The following CD99L2 variants were observed in gnomAD, a reference collection of about 807,000 sequenced individuals.
The protein encoded by CD99L2 is CD99 molecule like 2, also known as CD99 antigen-like protein 2.
In CD99L2, 24 loss-of-function variants were observed where a neutral mutation model predicts 27.3. The ratio of observed to expected loss-of-function variants is 0.88; its 90% confidence interval spans 0.64 to 1.24. The LOEUF is 1.24. Among genes scored for constraint, CD99L2 ranks in the 50% most tolerant of loss-of-function variants. The pLI, the probability that CD99L2 is intolerant of heterozygous loss-of-function variation, is 0.00. For missense variants in CD99L2, 255 were observed against 221.6 expected (o/e 1.15, Z -0.96); for synonymous variants, 97 against 87.9 (o/e 1.10, Z -0.58).
At chrX:150,879,122 ATACAGG>A (rs1331988765) in intron 1 of CD99L2, among the ~76,000 whole-genome samples, 4 of 112,054 alleles carry the variant, frequency 3.6e-5, no homozygotes, top group Non-Finnish European at 5.6e-5. Flanking sequence ...AACCTAAAAA[ATACAGG>A]TACCCTGGTG....
At chrX:150,783,836 G>T (rs1557419489) in intron 7 of CD99L2, among the ~76,000 whole-genome samples, 1 of 111,746 alleles carries the variant, frequency 8.9e-6, no homozygotes, top group East Asian at 2.8e-4. Context: ...AGAAGCTCAG[G>T]TAGTGCTCCT....
intron 4 of CD99L2, among the ~76,000 whole-genome samples, chrX:150,796,102 C>T (rs1253160555): frequency 8.9e-6 from 1 of 112,310 alleles, no homozygotes; most frequent in African/African-American, 3.2e-5. Context: ...GAAGACTGTG[C>T]TGTAACTGTT....
intron 1 of CD99L2, among the ~76,000 whole-genome samples, chrX:150,856,956 T>C (rs929682485): frequency 1.7e-4 from 19 of 109,778 alleles, no homozygotes; most frequent in Non-Finnish European, 2.9e-4. Context: ...GAAGAATTCA[T>C]TGAAAGAATG....
rs113238762 is a variant in CD99L2 at position 150,802,240 on chromosome X, A to G, written c.278-6754T>C. On this transcript the variant is annotated intron_variant, in intron 4 of 10. Coordinates refer to ENST00000370377, the MANE Select transcript of CD99L2 (RefSeq NM_031462.4). ...CATATCATAGCAGTGAACATATCAA[A>G]CCCAAAATTAGCCATTCACAATTGC... 4.1e-3 allele frequency among the ~76,000 whole-genome samples: 454 copies of G among 111,620 alleles called. 3 individuals are homozygous for G. The highest frequency in any genetic ancestry group is 0.014 in the African/African-American group (429 of 30,766).
chrX:150,802,880 CTTTTTTTTTTTTTTTTTT>C (rs34693200), intron 4 of CD99L2, among the ~76,000 whole-genome samples: 371 of 20,847 alleles, frequency 0.018, 9 homozygotes, highest in Non-Finnish European at 0.023. Flanking sequence ...CGTGCCCAGC[CTTTTTTTTTTTTTTTTTT>C]TTTTTTTTTT....
At chrX:150,812,095 A>C (rs1460831755) in intron 4 of CD99L2, among the ~76,000 whole-genome samples, 1 of 111,983 alleles carries the variant, frequency 8.9e-6, no homozygotes, top group East Asian at 2.8e-4. Flanking sequence ...CGGGAGGTCA[A>C]GGCTGCAGTG....
At chrX:150,828,111 AT>A (rs1714940052) in intron 2 of CD99L2, among the ~76,000 whole-genome samples, 1 of 111,589 alleles carries the variant, frequency 9.0e-6, no homozygotes, top group South Asian at 3.8e-4. Context: ...AGTCCTTTGA[AT>A]TTCCATATGA....
chrX:150,872,831 T>C (rs1410294282), intron 1 of CD99L2, among the ~76,000 whole-genome samples: 4 of 111,659 alleles, frequency 3.6e-5, no homozygotes. Flanking sequence ...CAAGGAAAGG[T>C]ATGGGAAGGA....
intron 8 of CD99L2, 59 bp from the exon 9 acceptor site, chrX:150,776,352 G>T (rs782347068): frequency 5.4e-6 from 6 of 1,121,376 alleles, no homozygotes; most frequent in Non-Finnish European, 5.9e-6. Flanking sequence ...GCACCGCAGG[G>T]AGCAGCCTGG....
intron 1 of CD99L2, among the ~76,000 whole-genome samples, chrX:150,889,871 A>G (rs2047474504): frequency 8.9e-6 from 1 of 112,390 alleles, no homozygotes; most frequent in African/African-American, 3.2e-5. Flanking sequence ...TAAACTTGCT[A>G]GCCGGGCGCG....
At chrX:150,778,673 TAAA>T (rs1195688468) in intron 7 of CD99L2, among the ~76,000 whole-genome samples, 1,803 of 67,872 alleles carry the variant, frequency 0.027, 66 homozygotes, top group African/African-American at 0.082. Context: ...TAAAGTATAA[TAAA>T]AAAAAAAAAA....
intron 1 of CD99L2, among the ~76,000 whole-genome samples, chrX:150,846,117 G>A (rs782289203): frequency 1.5e-4 from 17 of 112,480 alleles, no homozygotes; most frequent in Admixed American, 1.1e-3. Flanking sequence ...GCTTGAACCC[G>A]GAAGGCGGAG....
chrX:150,849,106 C>A (rs2046750278), intron 1 of CD99L2, among the ~76,000 whole-genome samples: 1 of 111,655 alleles, frequency 9.0e-6, no homozygotes, highest in African/African-American at 3.3e-5. Flanking sequence ...ATTCCCTTCC[C>A]AAATATACCT....
At chrX:150,894,126 C>A (rs1351131789) in intron 1 of CD99L2, among the ~76,000 whole-genome samples, 5 of 111,869 alleles carry the variant, frequency 4.5e-5, no homozygotes, top group Admixed American at 9.5e-5. Flanking sequence ...CAAACAGAAA[C>A]CCCTTGCCCA....
At chrX:150,788,110 G>A (rs1203509697) in intron 7 of CD99L2, among the ~76,000 whole-genome samples, 1 of 108,456 alleles carries the variant, frequency 9.2e-6, no homozygotes, top group Non-Finnish European at 1.9e-5. Flanking sequence ...ACTTCAGGCT[G>A]ATATCATTGA....
intron 2 of CD99L2, 84 bp downstream of exon 2, chrX:150,831,147 T>C (rs1308115124): frequency 1.3e-6 from 1 of 783,408 alleles, no homozygotes; most frequent in Non-Finnish European, 1.9e-6. Flanking sequence ...AATATATCAT[T>C]TTTCTTGCGC....
chrX:150,817,004 A>G (rs1471106534), intron 2 of CD99L2, among the ~76,000 whole-genome samples: 2 of 85,902 alleles, frequency 2.3e-5, no homozygotes, highest in Non-Finnish European at 4.4e-5. Context: ...CAATGAGAAC[A>G]CATGGACACA....
chrX:150,848,603 T>C (rs963518321), intron 1 of CD99L2, among the ~76,000 whole-genome samples: 1 of 107,408 alleles, frequency 9.3e-6, no homozygotes, highest in South Asian at 4.0e-4. Flanking sequence ...AAAATCAAAA[T>C]TCAGAAAGAC....
intron 2 of CD99L2, among the ~76,000 whole-genome samples, chrX:150,824,052 AGAG>A (rs782107988): frequency 6.3e-5 from 6 of 95,211 alleles, no homozygotes; most frequent in South Asian, 1.1e-3. Context: ...AGGAAGAAGA[AGAG>A]GAGGAGGAAG....
Sources: allele counts gnomAD v4.1 joint callset (sites outside exome capture counted in the v4.1 genomes callset), GRCh38; gene constraint gnomAD v4.1.1; transcripts MANE v1.5; gene names NCBI Gene and HGNC (gene_info 2026-07-23, HGNC 2026-07-21).